Variants in DMD observed in about 807,000 individuals in gnomAD.
DMD encodes the protein mutant dystrophin.
A neutral mutation model predicts 330.1 loss-of-function variants in DMD; 63 were observed. That is an observed-to-expected ratio of 0.19 (90% CI 0.16 to 0.24). The LOEUF (loss-of-function observed/expected upper bound fraction) is 0.24. DMD is among the 10% of genes least tolerant of loss of function. DMD has a pLI of 1.00. For missense variants in DMD, 3,344 were observed against 2,684.1 expected (o/e 1.25, Z -5.43); for synonymous variants, 1,223 against 959.8 (o/e 1.27, Z -5.07).
At chrX:31,504,226 G>A (rs1444924152) in intron 56 of DMD, among the ~76,000 whole-genome samples, 3 of 111,000 alleles carry the variant, frequency 2.7e-5, no homozygotes, top group Non-Finnish European at 5.7e-5. Context: ...TTAATCACAG[G>A]AAGAGAAAAG....
At chrX:31,580,238 A>C (rs1461429255) in intron 55 of DMD, among the ~76,000 whole-genome samples, 1 of 112,260 alleles carries the variant, frequency 8.9e-6, no homozygotes, top group Non-Finnish European at 1.9e-5. Context: ...TGCCTACCAC[A>C]GGGGGAAATA....
At chrX:32,820,704 G>A (rs1378783355) in intron 5 of DMD, among the ~76,000 whole-genome samples, 2 of 111,271 alleles carry the variant, frequency 1.8e-5, no homozygotes, top group Non-Finnish European at 3.8e-5. Flanking sequence ...ACGCAAAGCG[G>A]GATCTGCAAA....
intron 34 of DMD, among the ~76,000 whole-genome samples, chrX:32,375,589 C>G (rs1187968866): frequency 8.9e-6 from 1 of 112,019 alleles, no homozygotes; most frequent in Non-Finnish European, 1.9e-5. Flanking sequence ...CATAACTCAT[C>G]TTAAGGAATG....
chrX:32,582,175 G>A, intron 13 of DMD, among the ~76,000 whole-genome samples: 1 of 110,493 alleles, frequency 9.1e-6, no homozygotes, highest in South Asian at 3.8e-4. Flanking sequence ...AATATGTCAG[G>A]GAAAATTAAT....
chrX:31,604,303 G>A (rs1197237724), intron 55 of DMD, among the ~76,000 whole-genome samples: 1 of 111,528 alleles, frequency 9.0e-6, no homozygotes, highest in African/African-American at 3.3e-5. Flanking sequence ...TTTTAAAATG[G>A]CTATCTCCAT....
chrX:31,973,611 A>G (rs768833294), intron 44 of DMD, among the ~76,000 whole-genome samples: 2 of 111,269 alleles, frequency 1.8e-5, no homozygotes, highest in East Asian at 5.7e-4. Context: ...TCCAATGCCC[A>G]GTAAAACTGA....
At chrX:32,708,986 A>G (rs1447207315) in intron 7 of DMD, among the ~76,000 whole-genome samples, 1 of 112,155 alleles carries the variant, frequency 8.9e-6, no homozygotes, top group Non-Finnish European at 1.9e-5. Context: ...AACATCACGC[A>G]TTTGTGTATT....
At chrX:31,743,017 C>T (rs2087491374) in intron 51 of DMD, among the ~76,000 whole-genome samples, 1 of 111,187 alleles carries the variant, frequency 9.0e-6, no homozygotes, top group African/African-American at 3.3e-5. Flanking sequence ...CAAATAACCC[C>T]ATCAAAAAAA....
chrX:32,997,034 C>T (rs2093139539), intron 2 of DMD, among the ~76,000 whole-genome samples: 1 of 111,267 alleles, frequency 9.0e-6, no homozygotes, highest in Admixed American at 9.6e-5. Flanking sequence ...TTAGGAGGTA[C>T]AGTGTAGTTT....
chrX:31,677,463 C>T (rs182776761), intron 53 of DMD, among the ~76,000 whole-genome samples: 4 of 111,839 alleles, frequency 3.6e-5, no homozygotes, highest in Non-Finnish European at 5.6e-5. Flanking sequence ...GGTTTGTGAT[C>T]CAATAGATTC....
intron 29 of DMD, among the ~76,000 whole-genome samples, chrX:32,431,913 C>T (rs1046880698): frequency 1.8e-5 from 2 of 110,609 alleles, no homozygotes; most frequent in Non-Finnish European, 3.8e-5. Context: ...GCTCAAGTTC[C>T]CCTGAGTTTA....
intron 7 of DMD, among the ~76,000 whole-genome samples, chrX:32,723,165 CTTTTTCT>C (rs2066505141): frequency 1.8e-5 from 2 of 111,399 alleles, no homozygotes; most frequent in Admixed American, 1.9e-4. Flanking sequence ...TTATCAAATG[CTTTTTCT>C]GCATGTATTG....
chrX:32,367,202 C>A (rs2097857526), intron 34 of DMD, among the ~76,000 whole-genome samples: 1 of 111,700 alleles, frequency 9.0e-6, no homozygotes, highest in Non-Finnish European at 1.9e-5. Flanking sequence ...ACTTTGACTT[C>A]AACCTTTTGT....
chrX:33,171,743 G>A (rs1463408783), intron 1 of DMD, among the ~76,000 whole-genome samples: 1 of 111,614 alleles, frequency 9.0e-6, no homozygotes, highest in Non-Finnish European at 1.9e-5. Flanking sequence ...TACTGACAGA[G>A]ATTTGGATTT....
intron 63 of DMD, among the ~76,000 whole-genome samples, chrX:31,243,241 C>A (rs1402118872): frequency 8.9e-6 from 1 of 111,797 alleles, no homozygotes; most frequent in Non-Finnish European, 1.9e-5. Context: ...ACTGAATAGC[C>A]TTTTATTAGG....
At chrX:32,849,931 A>G (rs769803411) in intron 2 of DMD, 111 bp from the exon 3 acceptor site, 1 of 615,321 alleles carries the variant, frequency 1.6e-6, no homozygotes, top group South Asian at 2.7e-5. Context: ...ATTAGTGTGC[A>G]TAATTAATCT....
At chrX:33,271,221 TATC>T (rs1450522219) in intron 1 of DMD, among the ~76,000 whole-genome samples, 2 of 111,179 alleles carry the variant, frequency 1.8e-5, no homozygotes, top group Non-Finnish European at 3.8e-5. Flanking sequence ...ATAATAAAAG[TATC>T]ATAAACTTTT....
At chrX:32,361,461 G>A (rs181250555) in intron 37 of DMD, among the ~76,000 whole-genome samples, 1 of 111,758 alleles carries the variant, frequency 8.9e-6, no homozygotes, top group Non-Finnish European at 1.9e-5. Flanking sequence ...TGTATGGAGA[G>A]AGAGAGTACA....
chrX:33,307,226 G>T (rs1284949139), intron 1 of DMD, among the ~76,000 whole-genome samples: 1 of 111,524 alleles, frequency 9.0e-6, no homozygotes, highest in African/African-American at 3.3e-5. Flanking sequence ...TTCATGCAAA[G>T]AATTCAATTT....
Sources: allele counts gnomAD v4.1 joint callset (sites outside exome capture counted in the v4.1 genomes callset), GRCh38; gene constraint gnomAD v4.1.1; transcripts MANE v1.5; gene names NCBI Gene and HGNC (gene_info 2026-07-23, HGNC 2026-07-21).